Variants in CALN1 observed in about 807,000 individuals in gnomAD.
CALN1 encodes calneuron 1.
CALN1 carries 17 observed loss-of-function variants against 30.6 expected under a neutral mutation model. The observed-to-expected ratio is 0.56, with a 90% CI of 0.38 to 0.83. CALN1 has a LOEUF of 0.83. Ranked by LOEUF, CALN1 falls within the 40% of genes least tolerant of loss-of-function variation. The probability of loss-of-function intolerance (pLI) is 0.00; values close to 1 mark genes in which losing one functional copy is unlikely to be tolerated. For synonymous variants in CALN1, 156 were observed against 131.4 expected, an observed-to-expected ratio of 1.19 and a Z score of -1.28; for missense variants, 291 against 354.9, an observed-to-expected ratio of 0.82 and a Z score of 1.45.
chr7:72,232,422 T>A (rs1311008188), intron 3 of CALN1, among the ~76,000 whole-genome samples: 1 of 152,158 alleles, frequency 6.6e-6, no homozygotes, highest in African/African-American at 2.4e-5. Flanking sequence ...TTATTGTCAC[T>A]TCATGCAATG....
rs1044472575 is a variant in CALN1, at chr7:71,784,565, A to C, written c.*3210T>G. On this transcript the variant is annotated 3_prime_UTR_variant, in exon 7 of 7. Transcript: ENST00000395275. The stretch of plus-strand genomic sequence containing the variant: ...GTGGGGCGCAGCTTCTTTGGGGATC[A>C]AGGGGGTCAGGGTCCATTTCCCCTT... The C allele has an allele frequency of 2.8e-6, 1 of 358,710 alleles. No homozygotes were observed. Among genetic ancestry groups the C allele is most frequent in the Non-Finnish European group, 5.0e-6 (1 of 201,552 alleles). 22.2% of individuals were successfully genotyped at this position (358,710 alleles called of 1,614,324 possible).
chr7:71,811,340 TG>T (rs1435442285), intron 5 of CALN1, among the ~76,000 whole-genome samples: 1 of 152,154 alleles, frequency 6.6e-6, no homozygotes, highest in Non-Finnish European at 1.5e-5. Context: ...CCCAAGTAGC[TG>T]GGATTACAGA....
intron 5 of CALN1, among the ~76,000 whole-genome samples, chr7:71,835,717 T>A (rs1487334538): frequency 6.6e-6 from 1 of 152,100 alleles, no homozygotes; most frequent in Non-Finnish European, 1.5e-5. Context: ...TAGGTAGAGA[T>A]CACATCTAGG....
chr7:71,925,796 C>G (rs1293491262), intron 5 of CALN1, among the ~76,000 whole-genome samples: 1 of 151,964 alleles, frequency 6.6e-6, no homozygotes, highest in Non-Finnish European at 1.5e-5. Flanking sequence ...GGTGCTGAAG[C>G]CAAACTGGAG....
chr7:72,199,649 G>A (rs1005961490), intron 3 of CALN1, among the ~76,000 whole-genome samples: 1 of 152,104 alleles, frequency 6.6e-6, no homozygotes, highest in Non-Finnish European at 1.5e-5. Context: ...CCAGGAGTTC[G>A]AGCCTGGGCA....
chr7:72,337,297 C>T (rs1350613657), intron 2 of CALN1: 1 of 985,068 alleles, frequency 1.0e-6, no homozygotes, highest in Non-Finnish European at 1.2e-6. Flanking sequence ...TGGCCGCCTG[C>T]GCCCCAGCTC....
At chr7:72,295,164 T>A (rs911820449) in intron 2 of CALN1, among the ~76,000 whole-genome samples, 8 of 152,122 alleles carry the variant, frequency 5.3e-5, no homozygotes, top group Non-Finnish European at 1.2e-4. Flanking sequence ...GGAAATAAAA[T>A]TTTTTTAAAA....
Position 72,074,758 on chromosome 7 carries a change from C to T in CALN1, c.388+31393G>A, listed in dbSNP as rs1262211281. 2.6e-5 allele frequency among the ~76,000 whole-genome samples: 4 copies of T among 152,148 alleles called. 1 individual carries two copies. The highest frequency in any genetic ancestry group is 1.5e-5 in the Non-Finnish European group (1 of 68,034). On this transcript the variant is annotated intron_variant, in intron 4 of 6. Transcript: ENST00000395275. ...CCTGGCATCAGATTCAGTGCCCTGA[C>T]AACCTACTTGCCAAGCCCACAAACA...
intron 2 of CALN1, among the ~76,000 whole-genome samples, chr7:72,380,347 A>G (rs746907145): frequency 1.3e-5 from 2 of 152,214 alleles, no homozygotes; most frequent in Non-Finnish European, 2.9e-5. Flanking sequence ...CTTAAGAAAC[A>G]GAGGTAGGCT....
intron 4 of CALN1, among the ~76,000 whole-genome samples, chr7:72,090,201 C>G (rs1805759673): frequency 1.3e-5 from 2 of 152,138 alleles, no homozygotes; most frequent in East Asian, 1.9e-4. Flanking sequence ...ACTTGGGAGG[C>G]TGAGGCAGGA....
chr7:71,823,453 C>T (rs527996070), intron 5 of CALN1, among the ~76,000 whole-genome samples: 2 of 152,334 alleles, frequency 1.3e-5, no homozygotes, highest in African/African-American at 4.8e-5. Context: ...GGAGCGGTGG[C>T]TCACGCCTGT....
intron 2 of CALN1, among the ~76,000 whole-genome samples, chr7:72,309,114 A>G (rs1799862892): frequency 6.6e-6 from 1 of 152,210 alleles, no homozygotes; most frequent in African/African-American, 2.4e-5. Context: ...TCCAGAGGCA[A>G]CAGCTTGCAC....
intron 2 of CALN1, among the ~76,000 whole-genome samples, chr7:72,350,886 ATCCC>A: frequency 6.6e-6 from 1 of 152,224 alleles, no homozygotes; most frequent in Non-Finnish European, 1.5e-5. Flanking sequence ...CACGCCTGTA[ATCCC>A]AGCACTTTGG....
intron 2 of CALN1, among the ~76,000 whole-genome samples, chr7:72,380,514 T>C (rs1197820204): frequency 7.2e-5 from 11 of 152,126 alleles, no homozygotes; most frequent in Non-Finnish European, 1.6e-4. Flanking sequence ...TTCCAGCTGC[T>C]CAGGAGGCTG....
chr7:71,995,742 G>A (rs1306506784), intron 5 of CALN1, among the ~76,000 whole-genome samples: 2 of 151,444 alleles, frequency 1.3e-5, no homozygotes, highest in African/African-American at 2.4e-5. Flanking sequence ...AATATAACAC[G>A]ACAGCCCCAG....
At chr7:71,885,419 TG>T (rs570025961) in intron 5 of CALN1, among the ~76,000 whole-genome samples, 158 of 152,332 alleles carry the variant, frequency 1.0e-3, no homozygotes, top group Admixed American at 2.0e-3. Flanking sequence ...CCCGAAGTGC[TG>T]GGATTACAGG....
At chr7:72,404,352 A>G (rs1309891675) in intron 1 of CALN1, among the ~76,000 whole-genome samples, 2 of 152,216 alleles carry the variant, frequency 1.3e-5, no homozygotes, top group Non-Finnish European at 2.9e-5. Flanking sequence ...TGCTCAATAA[A>G]TATGTATTGA....
chr7:72,145,526 G>A (rs1313947808), intron 3 of CALN1, among the ~76,000 whole-genome samples: 6 of 152,190 alleles, frequency 3.9e-5, no homozygotes, highest in African/African-American at 9.6e-5. Context: ...ATTCACAGCC[G>A]AATTCTACCA....
chr7:72,349,518 G>GA (rs1023449873), intron 2 of CALN1, among the ~76,000 whole-genome samples: 9 of 151,072 alleles, frequency 6.0e-5, no homozygotes, highest in Admixed American at 1.3e-4. Context: ...GTATCCAGAA[G>GA]AAAAAAAACA....
Sources: allele counts gnomAD v4.1 joint callset (sites outside exome capture counted in the v4.1 genomes callset), GRCh38; gene constraint gnomAD v4.1.1; transcripts MANE v1.5; gene names NCBI Gene and HGNC (gene_info 2026-07-23, HGNC 2026-07-21).